PARD3: variants seen among roughly 807,000 people sequenced by gnomAD.
The protein encoded by PARD3 is par-3 family cell polarity regulator, also known as partitioning defective 3 homolog.
In PARD3, 75 loss-of-function variants were observed where a neutral mutation model predicts 155.4. The observed-to-expected ratio is 0.48, with a 90% confidence interval of 0.40 to 0.58. PARD3 has a LOEUF of 0.58. Ranked by LOEUF, PARD3 falls within the 20% of genes least tolerant of loss-of-function variation. The pLI, the probability that PARD3 is intolerant of heterozygous loss-of-function variation, is 0.00. For missense variants in PARD3, 1,642 were observed against 1,721.7 expected, an observed-to-expected ratio of 0.95 and a Z score of 0.82; for synonymous variants, 576 against 610.5, an observed-to-expected ratio of 0.94 and a Z score of 0.83.
intron 5 of PARD3, among the ~76,000 whole-genome samples, chr10:34,442,849 C>A (rs1348485616): frequency 6.6e-6 from 1 of 152,106 alleles, no homozygotes; most frequent in Non-Finnish European, 1.5e-5. Context: ...CCAGTCTGGG[C>A]AACAGAGCAA....
At chr10:34,621,840 A>C (rs2091697140) in intron 2 of PARD3, among the ~76,000 whole-genome samples, 3 of 152,238 alleles carry the variant, frequency 2.0e-5, no homozygotes, top group African/African-American at 7.2e-5. Context: ...AAACTGAAAA[A>C]AGATTGTGTA....
Position 34,231,975 on chromosome 10 carries a change from G to A in PARD3, c.3419+37682C>T, listed in dbSNP as rs571920855. ...TAATTATAGCAGCAAAGCAAACTAA[G>A]AGATAACTTACATACCAAGAGATAA... On this transcript the variant is annotated intron_variant, in intron 22 of 24. Coordinates refer to ENST00000374788, the MANE Select transcript of PARD3 (RefSeq NM_001184785.2). Among the ~76,000 whole-genome samples, 23 of 152,184 alleles carry A rather than the reference G, an allele frequency of 1.5e-4. No homozygotes were observed. In the South Asian group the frequency reaches 4.4e-3, roughly 29 times the overall value.
intron 1 of PARD3, among the ~76,000 whole-genome samples, chr10:34,743,169 T>C (rs1436094725): frequency 6.6e-6 from 1 of 152,178 alleles, no homozygotes; most frequent in Admixed American, 6.5e-5. Flanking sequence ...CTAGGTTCCA[T>C]GAAAATGTGT....
chr10:34,180,917 T>C lies in PARD3; in HGVS notation c.3420-49334A>G, dbSNP rs187045767. Reference sequence around the variant, plus strand: ...GAAGACACAGCAAGTGCAAAGGCCCTGGAGCAACACCCAATGCGCTTGTGG... The same window carrying C: ...GAAGACACAGCAAGTGCAAAGGCCCCGGAGCAACACCCAATGCGCTTGTGG... On this transcript the variant is annotated intron_variant, in intron 22 of 24. Coordinates refer to ENST00000374788, the MANE Select transcript of PARD3 (RefSeq NM_001184785.2). 3.5e-4 allele frequency among the ~76,000 whole-genome samples: 53 copies of C among 152,166 alleles called. No individual in the cohort carries two copies. In the East Asian group the frequency reaches 8.3e-3, roughly 24 times the overall value.
chr10:34,734,766 A>G (rs1330943016), intron 1 of PARD3, among the ~76,000 whole-genome samples: 1 of 152,158 alleles, frequency 6.6e-6, no homozygotes, highest in Non-Finnish European at 1.5e-5. Context: ...TTCTTTCATT[A>G]ATTTTAAACT....
At chr10:34,507,548 C>CAAAAAAAAAAAAAAA (rs374421524) in intron 3 of PARD3, among the ~76,000 whole-genome samples, 36 of 42,976 alleles carry the variant, frequency 8.4e-4, no homozygotes, top group African/African-American at 3.4e-3. Context: ...ATTAAAAAAA[C>CAAAAAAAAAAAAAAA]AAAAAAAAAA....
chr10:34,511,268 C>T (rs2081381026), intron 3 of PARD3, among the ~76,000 whole-genome samples: 1 of 152,082 alleles, frequency 6.6e-6, no homozygotes, highest in Non-Finnish European at 1.5e-5. Flanking sequence ...GTCAAGACTA[C>T]CTTATAGGAG....
rs1231592458 is a variant in PARD3 at position 34,336,286 on chromosome 10, C to T, written c.2561-43G>A. 5 of 1,422,032 alleles carry T rather than the reference C, an allele frequency of 3.5e-6. No individual in the cohort carries two copies. In the Admixed American group the frequency reaches 6.9e-5, roughly 20 times the overall value. 88.1% of individuals were successfully genotyped at this position (1,422,032 alleles called of 1,614,324 possible). On this transcript the variant is annotated intron_variant, in intron 17 of 24. Transcript: ENST00000374788. The stretch of plus-strand genomic sequence containing the variant: ...TATAATAGTTAGCCCAGTTAGTTCC[C>T]ATAGCCCACCATGCTTCCACCATTC...
At chr10:34,189,443 C>T (rs1218092059) in intron 22 of PARD3, among the ~76,000 whole-genome samples, 4 of 152,218 alleles carry the variant, frequency 2.6e-5, no homozygotes, top group African/African-American at 9.7e-5. Flanking sequence ...AAACAGCTGG[C>T]AACTTGGCAC....
At chr10:34,622,417 T>C (rs2091733946) in intron 2 of PARD3, among the ~76,000 whole-genome samples, 1 of 152,246 alleles carries the variant, frequency 6.6e-6, no homozygotes, top group Non-Finnish European at 1.5e-5. Flanking sequence ...TTTCCTTCTC[T>C]GAAATTTCTA....
chr10:34,807,511 TCTCCATGA>T (rs1843557281), intron 1 of PARD3, among the ~76,000 whole-genome samples: 1 of 152,096 alleles, frequency 6.6e-6, no homozygotes, highest in Admixed American at 6.6e-5. Context: ...CCATTCACAG[TCTCCATGA>T]CTCCAAACTC....
chr10:34,586,034 A>T (rs1306579431), intron 2 of PARD3, among the ~76,000 whole-genome samples: 1 of 152,196 alleles, frequency 6.6e-6, no homozygotes, highest in Non-Finnish European at 1.5e-5. Context: ...AATTTAAAAA[A>T]ATTACCTTCC....
At chr10:34,574,688 A>C (rs1296348362) in intron 2 of PARD3, among the ~76,000 whole-genome samples, 5 of 152,200 alleles carry the variant, frequency 3.3e-5, no homozygotes, top group Non-Finnish European at 5.9e-5. Flanking sequence ...TCAAGTATTT[A>C]CGGCAGTGTT....
intron 7 of PARD3, among the ~76,000 whole-genome samples, chr10:34,395,843 CAAAAAAAA>C (rs1173283584): frequency 0.018 from 418 of 23,342 alleles, 89 homozygotes; most frequent in South Asian, 0.038. Flanking sequence ...GACTCCGTCT[CAAAAAAAA>C]AAAAAAAAAA....
At chr10:34,216,795 C>A (rs1952022887) in intron 22 of PARD3, among the ~76,000 whole-genome samples, 1 of 152,188 alleles carries the variant, frequency 6.6e-6, no homozygotes, top group African/African-American at 2.4e-5. Flanking sequence ...ACTTCCCTCA[C>A]ATGTGAAAAC....
intron 2 of PARD3, among the ~76,000 whole-genome samples, chr10:34,678,263 G>A (rs973879593): frequency 1.3e-5 from 2 of 151,802 alleles, no homozygotes; most frequent in South Asian, 2.1e-4. Context: ...TTGTAGAGAC[G>A]GGGTTTCACC....
intron 22 of PARD3, among the ~76,000 whole-genome samples, chr10:34,225,645 C>T (rs763140460): frequency 1.1e-4 from 16 of 152,230 alleles, no homozygotes; most frequent in Non-Finnish European, 1.6e-4. Flanking sequence ...CATGCCCGGC[C>T]AGACTGGTCT....
chr10:34,690,595 T>G (rs1200642481), intron 2 of PARD3, among the ~76,000 whole-genome samples: 1 of 152,158 alleles, frequency 6.6e-6, no homozygotes, highest in African/African-American at 2.4e-5. Flanking sequence ...ATCCTACTTG[T>G]GCAACAACCA....
chr10:34,568,612 C>T (rs1409201591), intron 2 of PARD3, among the ~76,000 whole-genome samples: 2 of 152,160 alleles, frequency 1.3e-5, no homozygotes, highest in Non-Finnish European at 2.9e-5. Flanking sequence ...TAATGATTTA[C>T]ACACTCTTGC....
Sources: allele counts gnomAD v4.1 joint callset (sites outside exome capture counted in the v4.1 genomes callset), GRCh38; gene constraint gnomAD v4.1.1; transcripts MANE v1.5; gene names NCBI Gene and HGNC (gene_info 2026-07-23, HGNC 2026-07-21).